Variants in XG observed in about 807,000 individuals in gnomAD.
The protein encoded by XG is glycoprotein Xg.
In XG, 24 loss-of-function variants were observed where a neutral mutation model predicts 25.7. The ratio of observed to expected loss-of-function variants is 0.93; its 90% CI spans 0.68 to 1.31. The LOEUF is 1.31. XG is among the 40% of genes most tolerant of loss of function. The probability of loss-of-function intolerance (pLI) is 0.00; values close to 1 mark genes in which losing one functional copy is unlikely to be tolerated. For synonymous variants in XG, 77 were observed against 69.2 expected, an observed-to-expected ratio of 1.11 and a Z score of -0.56; for missense variants, 181 against 187.6, an observed-to-expected ratio of 0.96 and a Z score of 0.21.
chrX:2,797,357 C>A lies in XG; in HGVS notation c.370C>A (p.His124Asn). Residue 124 changes from histidine (H) to asparagine (N), a missense_variant, in exon 7 of 11, where the codon CAC becomes AAC. His to Asn is a moderately conservative substitution (Grantham distance 68, BLOSUM62 1). Coordinates refer to ENST00000644266, the MANE Select transcript of XG (RefSeq NM_001141919.2). Reference sequence around the variant, plus strand: ...CAGTTATGGCAACTCCGACAACACGCACGGTACCCCTACATCTGGGCATGC... The same window carrying A: ...CAGTTATGGCAACTCCGACAACACGAACGGTACCCCTACATCTGGGCATGC... ...YSSYGNSDNTHGRGGYRLNSR... is the reference protein window; with the variant it reads ...YSSYGNSDNTNGRGGYRLNSR... The A allele has an allele frequency of 8.3e-7, 1 of 1,209,569 alleles. No homozygotes were observed. Among genetic ancestry groups the A allele is most frequent in the African/African-American group, 1.7e-5 (1 of 57,408 alleles).
At chrX:2,765,376 GGGAAGGAAGGAAGGAA>G (rs56267419) in intron 1 of XG, among the ~76,000 whole-genome samples, 8 of 144,130 alleles carry the variant, frequency 5.6e-5, no homozygotes, top group South Asian at 2.2e-4. Context: ...GAGGGAGGGA[GGGAAGGAAGGAAGGAA>G]GGAAGGAAGG....
intron 10 of XG, 49 bp from the exon 11 acceptor site, chrX:2,814,315 C>CTTTT (rs3830299): frequency 1.5e-5 from 14 of 923,974 alleles, no homozygotes; most frequent in South Asian, 1.2e-4. Flanking sequence ...TTTAATAAGA[C>CTTTT]TTTTTTTTTT....
At chrX:2,762,028 A>G (rs747659624) in intron 1 of XG, among the ~76,000 whole-genome samples, 27 of 152,310 alleles carry the variant, frequency 1.8e-4, no homozygotes, top group African/African-American at 6.5e-4. Flanking sequence ...GGGCCCAGAC[A>G]GACCTGCTGA....
chrX:2,780,646 A>T (rs1382510810), intron 3 of XG, among the ~76,000 whole-genome samples: 6 of 151,660 alleles, frequency 4.0e-5, no homozygotes, highest in African/African-American at 1.2e-4. Flanking sequence ...TGAACCCAGG[A>T]GGCGGAGGTT....
intron 6 of XG, among the ~76,000 whole-genome samples, chrX:2,795,367 ATAAT>A (rs2086875320): frequency 9.3e-6 from 1 of 107,429 alleles, no homozygotes; most frequent in Non-Finnish European, 1.9e-5. Flanking sequence ...CTTTACATAT[ATAAT>A]TAAATATATG....
chrX:2,783,976 A>AAAACCAAACC (rs200988138), intron 4 of XG, among the ~76,000 whole-genome samples: 61 of 110,824 alleles, frequency 5.5e-4, no homozygotes, highest in Non-Finnish European at 9.4e-4. Flanking sequence ...TCTGTCTCGA[A>AAAACCAAACC]AAACCAAACC....
intron 2 of XG, among the ~76,000 whole-genome samples, chrX:2,772,872 C>T (rs866948479): frequency 1.3e-5 from 2 of 152,194 alleles, no homozygotes; most frequent in Non-Finnish European, 2.9e-5. Context: ...AGGCATGTGC[C>T]TGTTCATCCA....
At chrX:2,779,937 GT>G (rs1488679483) in intron 3 of XG, among the ~76,000 whole-genome samples, 4 of 152,036 alleles carry the variant, frequency 2.6e-5, no homozygotes, top group Non-Finnish European at 5.9e-5. Flanking sequence ...ATGAGCCACC[GT>G]GTCCAGCCTC....
chrX:2,765,381 G>GGAAGGAAGGAAGGAAGGAAA (rs2050661365), intron 1 of XG, among the ~76,000 whole-genome samples: 1 of 37,252 alleles, frequency 2.7e-5, no homozygotes, highest in African/African-American at 4.9e-5. Context: ...AGGGAGGGAA[G>GGAAGGAAGGAAGGAAGGAAA]GAAGGAAGGA....
chrX:2,801,938 A>T (rs1046416800), intron 7 of XG, among the ~76,000 whole-genome samples: 2 of 110,320 alleles, frequency 1.8e-5, no homozygotes, highest in Non-Finnish European at 3.8e-5. Context: ...CGATCTCCTG[A>T]CCTCGTGATC....
intron 1 of XG, among the ~76,000 whole-genome samples, chrX:2,763,918 A>C (rs1229157077): frequency 1.3e-5 from 2 of 151,890 alleles, no homozygotes; most frequent in African/African-American, 4.8e-5. Context: ...AACCAGGGCA[A>C]CTCCAGGTTG....
rs752942746 is a variant in XG at position 2,766,428 on chromosome X, C to T, written c.62-4122C>T. ...TGCTGGGATTACAGGCGTGAGCCAC[C>T]GCACCCGGCCTCTTCTTGGCCTCTC... is the stretch of plus-strand genomic sequence containing the variant. On this transcript the variant is annotated intron_variant, in intron 1 of 10. Transcript: ENST00000644266. Among the ~76,000 whole-genome samples the T allele has an allele frequency of 8.6e-5, 13 of 151,962 alleles. No individual in the cohort carries two copies. The South Asian group carries it at 1.0e-3, about 12-fold the overall frequency.
At chrX:2,756,599 TA>T (rs1030546537) in intron 1 of XG, among the ~76,000 whole-genome samples, 2 of 86,762 alleles carry the variant, frequency 2.3e-5, no homozygotes, top group Admixed American at 1.1e-4. Flanking sequence ...AAAAATAAAT[TA>T]AAAGAAAAGG....
intron 3 of XG, among the ~76,000 whole-genome samples, chrX:2,776,104 A>G (rs1456455820): frequency 4.0e-5 from 6 of 151,508 alleles, no homozygotes; most frequent in African/African-American, 9.7e-5. Context: ...CCTGGCTAAC[A>G]CGGTATGTTG....
chrX:2,792,249 G>A lies in XG; in HGVS notation c.254-2286G>A, dbSNP rs376491467. 2.3e-4 allele frequency among the ~76,000 whole-genome samples: 26 copies of A among 111,984 alleles called. 1 individual carries two copies. The South Asian group carries it at 4.9e-3, about 21-fold the overall frequency. On this transcript the variant is annotated intron_variant, in intron 5 of 10. Transcript: ENST00000644266. ...TGGAGTTGCAGTGAGCCGAGATCATGCCATTGCACTCCAGCCTGGGTGACA... is the reference window on the plus strand; with the variant it reads ...TGGAGTTGCAGTGAGCCGAGATCATACCATTGCACTCCAGCCTGGGTGACA...
intron 6 of XG, among the ~76,000 whole-genome samples, chrX:2,796,482 G>GTGTA (rs1445098942): frequency 2.0e-5 from 2 of 102,342 alleles, no homozygotes; most frequent in African/African-American, 8.3e-5. Context: ...GTGTGTGTGT[G>GTGTA]TGTGTGTATA....
chrX:2,797,396 G>A (rs1380680223), intron 7 of XG, 36 bp downstream of exon 7: 2 of 1,158,069 alleles, frequency 1.7e-6, no homozygotes, highest in East Asian at 6.0e-5. Flanking sequence ...GGTGGGTGGA[G>A]GGTGGGAGGG....
intron 1 of XG, chrX:2,752,835 T>G (rs1403222971): frequency 2.8e-6 from 2 of 708,388 alleles, no homozygotes; most frequent in East Asian, 2.7e-4. Flanking sequence ...ACACTGTCAT[T>G]CATTCTTGCA....
intron 1 of XG, among the ~76,000 whole-genome samples, chrX:2,768,185 C>T (rs1264778029): frequency 3.3e-5 from 5 of 152,002 alleles, no homozygotes; most frequent in East Asian, 3.9e-4. Flanking sequence ...AGGGAGTGGC[C>T]GGGTGCACAG....
Sources: allele counts gnomAD v4.1 joint callset (sites outside exome capture counted in the v4.1 genomes callset), GRCh38; gene constraint gnomAD v4.1.1; transcripts MANE v1.5; gene names NCBI Gene and HGNC (gene_info 2026-07-23, HGNC 2026-07-21).